PDE9A: variants seen among roughly 807,000 people sequenced by gnomAD.
PDE9A encodes high affinity cGMP-specific 3',5'-cyclic phosphodiesterase 9A.
In PDE9A, 60 loss-of-function variants were observed where a neutral mutation model predicts 87.4. The observed-to-expected ratio is 0.69, with a 90% CI of 0.56 to 0.85. PDE9A has a LOEUF of 0.85. Ranked by LOEUF, PDE9A falls within the 40% of genes least tolerant of loss-of-function variation. The probability of loss-of-function intolerance (pLI) is 0.00; values close to 1 mark genes in which losing one functional copy is unlikely to be tolerated. For missense variants in PDE9A, 665 were observed against 779.0 expected, an observed-to-expected ratio of 0.85 and a Z score of 1.74; for synonymous variants, 272 against 279.4, an observed-to-expected ratio of 0.97 and a Z score of 0.27.
At chr21:42,774,137 AT>A (rs1253225536) in intron 19 of PDE9A, among the ~76,000 whole-genome samples, 1 of 152,208 alleles carries the variant, frequency 6.6e-6, no homozygotes, top group Non-Finnish European at 1.5e-5. Context: ...TCTCAAAAAA[AT>A]ATAAATAAAT....
chr21:42,709,746 C>T (rs896076230), intron 4 of PDE9A, among the ~76,000 whole-genome samples: 1 of 152,118 alleles, frequency 6.6e-6, no homozygotes, highest in Non-Finnish European at 1.5e-5. Context: ...GTGTGAGGCA[C>T]AATCATGGCT....
In PDE9A at chr21:42,724,089, G is replaced by A. The variant is rs567954712; in HGVS notation, c.263-7681G>A. 3.3e-5 allele frequency among the ~76,000 whole-genome samples: 5 copies of A among 152,288 alleles called. No homozygotes were observed. The South Asian group carries it at 8.3e-4, about 25-fold the overall frequency. On this transcript the variant is annotated intron_variant, in intron 4 of 19. Coordinates refer to ENST00000291539, the MANE Select transcript of PDE9A (RefSeq NM_002606.3). ...AGAATCCAGCGGTTTCAGGCTCTCTGAGGATTCCAGAGGTGCTAGAGGGGG... is the reference window on the plus strand; with the variant it reads ...AGAATCCAGCGGTTTCAGGCTCTCTAAGGATTCCAGAGGTGCTAGAGGGGG...
chr21:42,667,655 C>T (rs533985200), intron 1 of PDE9A, among the ~76,000 whole-genome samples: 1 of 152,268 alleles, frequency 6.6e-6, no homozygotes, highest in East Asian at 1.9e-4. Flanking sequence ...AAGTTCGGAT[C>T]ACAACAGGCC....
intron 3 of PDE9A, chr21:42,697,443 C>T (rs768014921): frequency 2.4e-5 from 39 of 1,612,194 alleles, no homozygotes; most frequent in African/African-American, 1.5e-4. Context: ...TACATCACTC[C>T]GTAACTTGTT....
chr21:42,698,622 C>A (rs2060271193), intron 3 of PDE9A, among the ~76,000 whole-genome samples: 1 of 152,138 alleles, frequency 6.6e-6, no homozygotes, highest in African/African-American at 2.4e-5. Flanking sequence ...GAGAGGGAGG[C>A]CACCTGCATC....
rs753327860 is a variant in PDE9A, at chr21:42,688,014, C to T, written c.218+20C>T. On this transcript the variant is annotated intron_variant, in intron 3 of 19. Transcript: ENST00000291539. ...AGAACGGTAAGAGGCTCCGGCCGCG[C>T]TCCTCGGGGTGTGCCTGGCACTTCT... 1 of 1,601,860 alleles carries T rather than the reference C, an allele frequency of 6.2e-7. No individual in the cohort carries two copies. The highest frequency in any genetic ancestry group is 1.7e-5 in the Admixed American group (1 of 59,998).
intron 1 of PDE9A, among the ~76,000 whole-genome samples, chr21:42,676,990 C>T (rs777309963): frequency 1.7e-4 from 26 of 152,326 alleles, no homozygotes; most frequent in Middle Eastern, 3.4e-3. Context: ...GCCCAGCGTC[C>T]GGCCTCATTA....
In PDE9A at chr21:42,719,497, C is replaced by T. The variant is rs8134041; in HGVS notation, c.263-12273C>T. Among the ~76,000 whole-genome samples, 492 of 144,556 alleles carry T rather than the reference C, an allele frequency of 3.4e-3. 2 individuals carry two copies. Among genetic ancestry groups the T allele is most frequent in the African/African-American group, 0.012 (463 of 38,182 alleles). 94.8% of individuals were successfully genotyped at this position (144,556 alleles called of 152,430 possible). On this transcript the variant is annotated intron_variant, in intron 4 of 19. Transcript: ENST00000291539. ...TAAAAAAAATTTTGAAAAAATTAGC[C>T]GGGTGTGGTGGTGCATACCTGTAAT...
At chr21:42,700,902 T>G (rs1295108049) in intron 4 of PDE9A, 3 of 152,240 alleles carry the variant, frequency 2.0e-5, no homozygotes, top group Non-Finnish European at 2.9e-5. Flanking sequence ...TCAGGTACTC[T>G]AAGTTATCTC....
Position 42,704,433 on chromosome 21 carries a change from A to C in PDE9A, c.262+5422A>C, listed in dbSNP as rs112311897. On this transcript the variant is annotated intron_variant, in intron 4 of 19. Coordinates refer to ENST00000291539, the MANE Select transcript of PDE9A (RefSeq NM_002606.3). This position sits in a 1 kb window ranked among gnomAD's most constrained non-coding sequence, Gnocchi z 5.3. ...CAGGTAGACCCCCCCCACCCCACCA[A>C]ACACACACACACACACACACACACA... 2.2e-5 allele frequency among the ~76,000 whole-genome samples: 3 copies of C among 137,100 alleles called. No individual in the cohort carries two copies. Among genetic ancestry groups the C allele is most frequent in the South Asian group, 2.4e-4 (1 of 4,118 alleles). 89.9% of individuals were successfully genotyped at this position (137,100 alleles called of 152,430 possible). A position where few individuals can be genotyped will look rare whatever the true frequency, so the allele number is the denominator to read the frequency against.
intron 1 of PDE9A, among the ~76,000 whole-genome samples, chr21:42,671,020 GTTAA>G (rs1053128749): frequency 6.6e-5 from 10 of 152,184 alleles, no homozygotes; most frequent in Admixed American, 6.5e-4. Flanking sequence ...TGAGACTGTT[GTTAA>G]TTTTTTCTCC....
chr21:42,743,040 A>G (rs1400096973), intron 7 of PDE9A, among the ~76,000 whole-genome samples: 1 of 152,194 alleles, frequency 6.6e-6, no homozygotes, highest in Non-Finnish European at 1.5e-5. Flanking sequence ...TCTTTGTCTA[A>G]ACTATAAACT....
At chr21:42,755,712 AC>A (rs1710816188) in intron 10 of PDE9A, among the ~76,000 whole-genome samples, 1 of 152,190 alleles carries the variant, frequency 6.6e-6, no homozygotes, top group Admixed American at 6.5e-5. Context: ...CAGAGCAAGT[AC>A]ACAGCAAGTA....
chr21:42,682,200 T>C (rs900342947), intron 1 of PDE9A, among the ~76,000 whole-genome samples: 5 of 152,368 alleles, frequency 3.3e-5, no homozygotes, highest in Admixed American at 6.5e-5. Context: ...TGGGAACTGG[T>C]AAGAAGGTAC....
chr21:42,742,554 C>T (rs934555647), intron 7 of PDE9A, among the ~76,000 whole-genome samples: 3 of 151,094 alleles, frequency 2.0e-5, no homozygotes, highest in Non-Finnish European at 4.4e-5. Context: ...CAACCTCCGC[C>T]TCCCGGGTTC....
chr21:42,758,899 G>A (rs1355447107), intron 10 of PDE9A, 100 bp from the exon 11 acceptor site: 9 of 842,984 alleles, frequency 1.1e-5, no homozygotes, highest in East Asian at 5.2e-5. Flanking sequence ...TCCTGCCAAC[G>A]GCCCTGCTGG....
chr21:42,747,966 G>A (rs573562259), intron 8 of PDE9A, among the ~76,000 whole-genome samples: 1 of 152,330 alleles, frequency 6.6e-6, no homozygotes, highest in South Asian at 2.1e-4. Flanking sequence ...GCTGGTTCCC[G>A]TGGCAGCGGA....
chr21:42,773,914 C>T (rs2057277873), intron 19 of PDE9A, among the ~76,000 whole-genome samples: 1 of 151,298 alleles, frequency 6.6e-6, no homozygotes, highest in African/African-American at 2.4e-5. Context: ...ACCATCCTGG[C>T]TAACACGGTG....
chr21:42,655,169 T>C (rs1569085083), intron 1 of PDE9A, among the ~76,000 whole-genome samples: 3 of 150,106 alleles, frequency 2.0e-5, no homozygotes, highest in Admixed American at 6.6e-5. Context: ...CGCACACACG[T>C]GCATACACAC....
Sources: allele counts gnomAD v4.1 joint callset (sites outside exome capture counted in the v4.1 genomes callset), GRCh38; gene constraint gnomAD v4.1.1; non-coding constraint Gnocchi (gnomAD v3.1); transcripts MANE v1.5; gene names NCBI Gene and HGNC (gene_info 2026-07-23, HGNC 2026-07-21).